The following CTNNA1 variants were observed in gnomAD, a reference collection of about 807,000 sequenced individuals.
CTNNA1 encodes catenin alpha-1.
CTNNA1 carries 37 observed loss-of-function variants against 98.4 expected under a neutral mutation model. The observed-to-expected ratio is 0.38, with a 90% CI of 0.29 to 0.49. CTNNA1 has a LOEUF of 0.49. CTNNA1 is among the 20% of genes least tolerant of loss of function. The probability of loss-of-function intolerance (pLI) is 0.95; values close to 1 mark genes in which losing one functional copy is unlikely to be tolerated. For missense variants in CTNNA1, 761 were observed against 1,147.2 expected (o/e 0.66, Z 4.86); for synonymous variants, 404 against 413.2 (o/e 0.98, Z 0.27).
chr5:138,876,679 A>C (rs1193677394), intron 7 of CTNNA1, among the ~76,000 whole-genome samples: 1 of 152,228 alleles, frequency 6.6e-6, no homozygotes, highest in Non-Finnish European at 1.5e-5. Flanking sequence ...AAACAAGAAC[A>C]TCGTTGGCCT....
chr5:138,800,255 A>G (rs928253393), intron 3 of CTNNA1, among the ~76,000 whole-genome samples: 1 of 152,222 alleles, frequency 6.6e-6, no homozygotes, highest in African/African-American at 2.4e-5. Context: ...GATAAAATGC[A>G]GCTTCTGTGT....
intron 7 of CTNNA1, among the ~76,000 whole-genome samples, chr5:138,836,438 A>G (rs1018600052): frequency 6.6e-6 from 1 of 152,252 alleles, no homozygotes; most frequent in African/African-American, 2.4e-5. Flanking sequence ...AAAGATCTTC[A>G]TAACTCTGAG....
At chr5:138,775,714 C>CTTT (rs750615535) in intron 1 of CTNNA1, among the ~76,000 whole-genome samples, 323 of 82,516 alleles carry the variant, frequency 3.9e-3, no homozygotes, top group Non-Finnish European at 4.4e-3. Context: ...GGAAATATTT[C>CTTT]TTTTTTTTTT....
At chr5:138,884,055 C>A (rs751650112) in intron 7 of CTNNA1, among the ~76,000 whole-genome samples, 24 of 152,252 alleles carry the variant, frequency 1.6e-4, no homozygotes, top group African/African-American at 5.3e-4. Flanking sequence ...GAACATATTC[C>A]CAAGGTGGTT....
chr5:138,901,114 T>C (rs890556304), intron 9 of CTNNA1, among the ~76,000 whole-genome samples: 8 of 152,126 alleles, frequency 5.3e-5, no homozygotes, highest in African/African-American at 1.9e-4. Context: ...TCCAAGTGTT[T>C]TTCTTTTCTC....
intron 7 of CTNNA1, among the ~76,000 whole-genome samples, chr5:138,829,119 CA>C (rs989647543): frequency 1.3e-4 from 18 of 141,888 alleles, no homozygotes; most frequent in South Asian, 4.4e-4. Flanking sequence ...GAGAGTGTCT[CA>C]AAAAAAAAAG....
chr5:138,800,456 G>A (rs2149703651), intron 3 of CTNNA1, among the ~76,000 whole-genome samples: 1 of 152,248 alleles, frequency 6.6e-6, no homozygotes, highest in East Asian at 1.9e-4. Context: ...AACAGGGGAA[G>A]CAGCTTCTGC....
chr5:138,899,084 A>C (rs991102889), intron 9 of CTNNA1, among the ~76,000 whole-genome samples: 8 of 152,192 alleles, frequency 5.3e-5, no homozygotes, highest in African/African-American at 1.9e-4. Context: ...TCTTCTGTTA[A>C]CATAAATATA....
At chr5:138,780,917 T>G (rs1391448737) in intron 1 of CTNNA1, among the ~76,000 whole-genome samples, 1 of 149,922 alleles carries the variant, frequency 6.7e-6, no homozygotes, top group Non-Finnish European at 1.5e-5. Context: ...CTTTAATAAT[T>G]GAAGGCACTA....
intron 5 of CTNNA1, among the ~76,000 whole-genome samples, chr5:138,822,286 T>C (rs1009803216): frequency 6.6e-6 from 1 of 152,200 alleles, no homozygotes; most frequent in African/African-American, 2.4e-5. Flanking sequence ...TTTAGCCTAA[T>C]GTAGTCTTTG....
intron 7 of CTNNA1, 147 bp from the exon 8 acceptor site, chr5:138,886,063 AAC>A: frequency 2.8e-6 from 2 of 709,572 alleles, no homozygotes; most frequent in Non-Finnish European, 4.3e-6. Context: ...AAAGCCACAT[AAC>A]ACCCCTCTGC....
chr5:138,901,059 C>G (rs1267758883), intron 9 of CTNNA1, among the ~76,000 whole-genome samples: 3 of 152,106 alleles, frequency 2.0e-5, no homozygotes, highest in African/African-American at 7.2e-5. Context: ...TCTCACTGTT[C>G]TACGAAGTCT....
intron 3 of CTNNA1, among the ~76,000 whole-genome samples, chr5:138,786,122 G>T (rs776230826): frequency 5.5e-4 from 84 of 152,038 alleles, no homozygotes; most frequent in Non-Finnish European, 8.8e-4. Flanking sequence ...GGACTTTTCT[G>T]TCCTAGTCCA....
chr5:138,886,946 G>T (rs1424623661), intron 8 of CTNNA1, among the ~76,000 whole-genome samples: 1 of 152,060 alleles, frequency 6.6e-6, no homozygotes, highest in Non-Finnish European at 1.5e-5. Flanking sequence ...TATTGCTTAT[G>T]TCTGATATAA....
chr5:138,782,282 C>T, intron 2 of CTNNA1: 1 of 562,612 alleles, frequency 1.8e-6, no homozygotes, highest in Non-Finnish European at 3.4e-6. Context: ...AATGTTTGTG[C>T]TTTGCAGATA....
At chr5:138,904,256 G>A in intron 9 of CTNNA1, 93 bp from the exon 10 acceptor site, 1 of 1,449,700 alleles carries the variant, frequency 6.9e-7, no homozygotes, top group African/African-American at 1.4e-5. Flanking sequence ...CTTGTCATCT[G>A]TTCCAGAATG....
intron 1 of CTNNA1, among the ~76,000 whole-genome samples, chr5:138,774,204 T>C (rs1191504356): frequency 6.6e-6 from 1 of 152,084 alleles, no homozygotes; most frequent in Non-Finnish European, 1.5e-5. Context: ...TTTAAATTAT[T>C]TGTAGAGATG....
chr5:138,806,359 T>C (rs1758084916), intron 3 of CTNNA1, among the ~76,000 whole-genome samples: 1 of 152,102 alleles, frequency 6.6e-6, no homozygotes, highest in South Asian at 2.1e-4. Context: ...GTCCTAACTT[T>C]TTTTTTTTTC....
chr5:138,806,900 G>T (rs138939027), intron 3 of CTNNA1, among the ~76,000 whole-genome samples: 1 of 151,616 alleles, frequency 6.6e-6, no homozygotes, highest in Non-Finnish European at 1.5e-5. Flanking sequence ...TAGTTAATCT[G>T]TATAAGCTTT....
Sources: gnomAD v4.1 joint callset for allele counts (sites outside exome capture counted in the v4.1 genomes callset) on GRCh38, gnomAD v4.1.1 for gene constraint, MANE v1.5 for transcripts, NCBI Gene and HGNC (gene_info 2026-07-23, HGNC 2026-07-21) for gene names.